PCNX2: variants seen among roughly 807,000 people sequenced by gnomAD.
PCNX2 encodes the protein pecanex 2.
A neutral mutation model predicts 223.8 loss-of-function variants in PCNX2; 168 were observed. The ratio of observed to expected loss-of-function variants is 0.75; its 90% CI spans 0.66 to 0.85. The LOEUF is 0.85. Ranked by LOEUF, PCNX2 falls within the 40% of genes least tolerant of loss-of-function variation. The pLI is 0.00. For synonymous variants in PCNX2, 1,006 were observed against 1,052.6 expected, an observed-to-expected ratio of 0.96 and a Z score of 0.86; for missense variants, 2,507 against 2,675.5, an observed-to-expected ratio of 0.94 and a Z score of 1.39.
At chr1:233,320,968 C>T in the PCNX2 span, among the ~76,000 whole-genome samples, 3 of 151,060 alleles carry the variant, frequency 2.0e-5, no homozygotes, top group East Asian at 5.8e-4. Flanking sequence ...AGTGGTTTTC[C>T]ACGGAATAAG....
At chr1:233,308,091 A>T in the PCNX2 span, among the ~76,000 whole-genome samples, 1 of 152,248 alleles carries the variant, frequency 6.6e-6, no homozygotes, top group Non-Finnish European at 1.5e-5. Context: ...GCTTATGATT[A>T]TAGAACAAAA....
At chr1:233,181,087 G>A (rs936557440) in intron 15 of PCNX2, 1 of 152,128 alleles carries the variant, frequency 6.6e-6, no homozygotes, top group Non-Finnish European at 1.5e-5. Flanking sequence ...GTGTCCAAGG[G>A]AGAGGTGTAC....
Position 233,041,853 on chromosome 1 carries a change from G to A in PCNX2, c.4351+12415C>T, listed in dbSNP as rs189836426. ...ACATAAATTCAGAGTCAGGAATGATGGTGATTCCAAACAACCACAGATTGC... is the reference window on the plus strand; with the variant it reads ...ACATAAATTCAGAGTCAGGAATGATAGTGATTCCAAACAACCACAGATTGC... On this transcript the variant is annotated intron_variant, in intron 25 of 33. Transcript: ENST00000258229. 1.3e-3 allele frequency among the ~76,000 whole-genome samples: 193 copies of A among 152,286 alleles called. 1 individual carries two copies. The highest frequency in any genetic ancestry group is 3.1e-3 in the Admixed American group (48 of 15,292).
At chr1:233,032,510 A>T (rs1185790867) in intron 25 of PCNX2, among the ~76,000 whole-genome samples, 1 of 152,154 alleles carries the variant, frequency 6.6e-6, no homozygotes, top group East Asian at 1.9e-4. Context: ...TGTGAGTTTC[A>T]TTCCAATTTT....
At chr1:233,045,002 C>T (rs966134046) in intron 25 of PCNX2, among the ~76,000 whole-genome samples, 1 of 152,146 alleles carries the variant, frequency 6.6e-6, no homozygotes, top group African/African-American at 2.4e-5. Context: ...TTGTATCAAT[C>T]ATTCATTATG....
chr1:233,157,738 T>C (rs1000338556), intron 19 of PCNX2, among the ~76,000 whole-genome samples: 5 of 152,218 alleles, frequency 3.3e-5, no homozygotes, highest in African/African-American at 4.8e-5. Context: ...AGGACACAGA[T>C]GGCACCAGAA....
intron 9 of PCNX2, among the ~76,000 whole-genome samples, chr1:233,229,893 C>A (rs1003052855): frequency 2.0e-5 from 3 of 151,264 alleles, no homozygotes; most frequent in Non-Finnish European, 1.5e-5. Context: ...TATTTTTTTG[C>A]CTTAGATATC....
chr1:233,040,879 C>T (rs984963939), intron 25 of PCNX2, among the ~76,000 whole-genome samples: 1 of 152,176 alleles, frequency 6.6e-6, no homozygotes, highest in African/African-American at 2.4e-5. Context: ...AAATTGCTTT[C>T]CCTCTAAAGA....
chr1:233,029,679 T>A (rs7514193), intron 25 of PCNX2, among the ~76,000 whole-genome samples: 22,119 of 152,164 alleles, frequency 0.15, 1,917 homozygotes, highest in East Asian at 0.28. Context: ...GAGTTGATAG[T>A]TTTTGTTTTT....
At chr1:233,066,954 T>G (rs532767534) in intron 23 of PCNX2, among the ~76,000 whole-genome samples, 1 of 152,090 alleles carries the variant, frequency 6.6e-6, no homozygotes, top group East Asian at 1.9e-4. Context: ...GTGGGGAATC[T>G]GAACTCCCAC....
chr1:233,135,065 A>G lies in PCNX2; in HGVS notation c.3785T>C (p.Ile1262Thr). The change falls in exon 21 of 34, where the codon ATT becomes ACT. Residue 1262 changes from isoleucine to threonine, a missense_variant. Around this residue, in one of 3 missense-constraint regions of PCNX2, gnomAD observed 1,372 missense variants for 1,509.4 expected, o/e 0.91. Transcript: ENST00000258229. ...GAAATCCAGTAAGAAGCTCTCTGAA[A>G]TATCTTTGTAGTCAAAGTGGAAAAA... ...VIFFHFDYKD[I>T]SESFLLDFFM... 6.2e-7 allele frequency: 1 copy of G among 1,612,480 alleles called. No homozygotes were observed. The highest frequency in any genetic ancestry group is 1.1e-5 in the South Asian group (1 of 91,068).
chr1:233,200,067 T>C lies in PCNX2; in HGVS notation c.2974+87A>G, dbSNP rs535533427. 12 of 1,076,118 alleles carry C rather than the reference T, an allele frequency of 1.1e-5. No homozygotes were observed. In the South Asian group the frequency reaches 1.2e-4, roughly 11 times the overall value. 66.7% of individuals were successfully genotyped at this position (1,076,118 alleles called of 1,614,324 possible). A position where few individuals can be genotyped will look rare whatever the true frequency, so the allele number is the denominator to read the frequency against. On this transcript the variant is annotated intron_variant, in intron 14 of 33. Coordinates refer to ENST00000258229, the MANE Select transcript of PCNX2 (RefSeq NM_014801.4). ...ATGCTCAGGACAAAGAAAACCTAACTAGCCTCTCATCTCCTGCCTAAGGCT... is the reference window on the plus strand; with the variant it reads ...ATGCTCAGGACAAAGAAAACCTAACCAGCCTCTCATCTCCTGCCTAAGGCT...
intron 23 of PCNX2, among the ~76,000 whole-genome samples, chr1:233,073,082 A>G (rs1002152435): frequency 6.6e-6 from 1 of 152,148 alleles, no homozygotes; most frequent in Non-Finnish European, 1.5e-5. Flanking sequence ...TATATAGTCT[A>G]TTTAGATGTT....
At chr1:233,130,202 C>T (rs1036479166) in intron 21 of PCNX2, among the ~76,000 whole-genome samples, 3 of 152,130 alleles carry the variant, frequency 2.0e-5, no homozygotes, top group African/African-American at 2.4e-5. Flanking sequence ...ACTCTGGACA[C>T]GCCGCCTTTA....
At chr1:233,219,450 T>C (rs1022945985) in intron 10 of PCNX2, among the ~76,000 whole-genome samples, 43 of 151,942 alleles carry the variant, frequency 2.8e-4, no homozygotes, top group African/African-American at 9.7e-4. Flanking sequence ...GACCACAGGG[T>C]CAGGGAACAA....
At chr1:233,215,317 CAG>C (rs577455008) in intron 12 of PCNX2, among the ~76,000 whole-genome samples, 28 of 152,320 alleles carry the variant, frequency 1.8e-4, no homozygotes, top group Middle Eastern at 3.4e-3. Context: ...CAACTCAAAT[CAG>C]AGACTAATCT....
chr1:233,280,750 A>G (rs1661152499), intron 1 of PCNX2, among the ~76,000 whole-genome samples: 1 of 152,252 alleles, frequency 6.6e-6, no homozygotes, highest in African/African-American at 2.4e-5. Context: ...CAATAAATAA[A>G]CATTTATGAT....
chr1:232,985,989 T>C (rs1669459969), intron 33 of PCNX2, 103 bp downstream of exon 33: 2 of 1,280,750 alleles, frequency 1.6e-6, no homozygotes, highest in East Asian at 5.0e-5. Context: ...GGGATGGGGT[T>C]CTGCAGGCAG....
chr1:233,241,139 T>C (rs1658736668), intron 8 of PCNX2: 21 of 972,114 alleles, frequency 2.2e-5, no homozygotes, highest in Non-Finnish European at 2.4e-5. Flanking sequence ...AACCTGTTAT[T>C]TTGAATTTTA....
Sources: gnomAD v4.1 joint callset for allele counts (sites outside exome capture counted in the v4.1 genomes callset) on GRCh38, gnomAD v4.1.1 for gene constraint, gnomAD v4.1.1 regional missense constraint, MANE v1.5 for transcripts, NCBI Gene and HGNC (gene_info 2026-07-23, HGNC 2026-07-21) for gene names.